The following PCBP3 variants were observed in gnomAD, a reference collection of about 807,000 sequenced individuals.
PCBP3 encodes the protein poly(rC)-binding protein 3.
PCBP3 carries 25 observed loss-of-function variants against 52.7 expected under a neutral mutation model. The observed-to-expected ratio is 0.47, with a 90% CI of 0.35 to 0.66. The LOEUF is 0.66. Among genes scored for constraint, PCBP3 ranks in the 30% least tolerant of loss-of-function variants. The pLI, the probability that PCBP3 is intolerant of heterozygous loss-of-function variation, is 0.01. For synonymous variants in PCBP3, 162 were observed against 183.0 expected (o/e 0.89, Z 0.93); for missense variants, 391 against 490.3 (o/e 0.80, Z 1.91).
intron 2 of PCBP3, among the ~76,000 whole-genome samples, chr21:45,677,639 T>C (rs538575204): frequency 2.0e-5 from 3 of 152,330 alleles, no homozygotes; most frequent in African/African-American, 7.2e-5. Flanking sequence ...AGTCAATGCC[T>C]GGCTTCAAAG....
At chr21:45,755,745 A>G (rs1190845983) in intron 4 of PCBP3, among the ~76,000 whole-genome samples, 1 of 152,120 alleles carries the variant, frequency 6.6e-6, no homozygotes, top group Non-Finnish European at 1.5e-5. Flanking sequence ...CTGTTCATAC[A>G]TTTTGCCCAT....
intron 6 of PCBP3, among the ~76,000 whole-genome samples, chr21:45,898,622 G>A (rs79605146): frequency 0.039 from 2,540 of 64,928 alleles, 137 homozygotes; most frequent in East Asian, 0.11. Context: ...CCGTCCTCAC[G>A]GCCTCCCTCT....
intron 2 of PCBP3, among the ~76,000 whole-genome samples, chr21:45,708,047 A>G (rs997331927): frequency 1.1e-4 from 16 of 152,200 alleles, no homozygotes; most frequent in Admixed American, 1.0e-3. Context: ...TCATCACTGA[A>G]TAAAACTATG....
intron 13 of PCBP3, among the ~76,000 whole-genome samples, chr21:45,920,700 A>C (rs2074321173): frequency 6.6e-6 from 1 of 152,202 alleles, no homozygotes; most frequent in South Asian, 2.1e-4. Context: ...CAGAGGCTTC[A>C]GATAACAGAA....
chr21:45,785,242 A>G (rs1178565075), intron 4 of PCBP3, among the ~76,000 whole-genome samples: 2 of 151,084 alleles, frequency 1.3e-5, no homozygotes, highest in Non-Finnish European at 2.9e-5. Context: ...CCCGTCTGGG[A>G]AGTGAGGAGC....
In PCBP3 at chr21:45,786,583, G is replaced by A. The variant is rs1330306226; in HGVS notation, c.-126+31131G>A. On this transcript the variant is annotated intron_variant, in intron 4 of 17. Transcript: ENST00000681687. ...TGGGATTATAGGTGTGAGGCACCGC[G>A]CCTGGTCTTAAGTATCATTTTGAAG... Among the ~76,000 whole-genome samples, 5 of 152,206 alleles carry A rather than the reference G, an allele frequency of 3.3e-5. 1 individual carries two copies. The South Asian group carries it at 1.0e-3, about 32-fold the overall frequency.
At chr21:45,846,356 G>A (rs555982300) in intron 4 of PCBP3, among the ~76,000 whole-genome samples, 2 of 151,768 alleles carry the variant, frequency 1.3e-5, no homozygotes, top group Non-Finnish European at 2.9e-5. Flanking sequence ...GCTGTCTGCT[G>A]TCTGTGCCAT....
chr21:45,893,049 C>T (rs576128407), intron 5 of PCBP3, among the ~76,000 whole-genome samples: 10 of 152,012 alleles, frequency 6.6e-5, no homozygotes, highest in African/African-American at 2.2e-4. Context: ...CATGATGGAG[C>T]GAGGACTGAG....
At chr21:45,876,769 C>T (rs1328247717) in intron 5 of PCBP3, among the ~76,000 whole-genome samples, 1 of 152,282 alleles carries the variant, frequency 6.6e-6, no homozygotes, top group Non-Finnish European at 1.5e-5. Flanking sequence ...CTGCCACCCA[C>T]CCCGCACTGT....
chr21:45,911,682 A>G (rs1043728802), intron 11 of PCBP3, among the ~76,000 whole-genome samples: 1 of 152,180 alleles, frequency 6.6e-6, no homozygotes, highest in African/African-American at 2.4e-5. Flanking sequence ...TGAAGCAAAA[A>G]TGAAGAAGCC....
chr21:45,710,385 T>C (rs1051581304), intron 2 of PCBP3, among the ~76,000 whole-genome samples: 8 of 152,168 alleles, frequency 5.3e-5, no homozygotes, highest in Non-Finnish European at 1.2e-4. Context: ...AATTCCCACC[T>C]ATGAGTGAGA....
chr21:45,884,647 A>G (rs1275456593), intron 5 of PCBP3, among the ~76,000 whole-genome samples: 2 of 152,064 alleles, frequency 1.3e-5, no homozygotes, highest in African/African-American at 4.8e-5. Context: ...TGCAGCCTCG[A>G]CTAACCAGGC....
At chr21:45,933,339 T>A (rs2076532872) in intron 15 of PCBP3, among the ~76,000 whole-genome samples, 1 of 152,268 alleles carries the variant, frequency 6.6e-6, no homozygotes, top group Admixed American at 6.5e-5. Flanking sequence ...CATGCTGTCC[T>A]GAGATGATTG....
At chr21:45,863,030 A>G (rs1441062150) in intron 5 of PCBP3, among the ~76,000 whole-genome samples, 2 of 152,138 alleles carry the variant, frequency 1.3e-5, no homozygotes, top group East Asian at 3.9e-4. Context: ...CACCCCACCT[A>G]CCTGGGGCAC....
chr21:45,926,351 G>GA (rs1394455632), intron 13 of PCBP3, among the ~76,000 whole-genome samples: 1 of 152,204 alleles, frequency 6.6e-6, no homozygotes, highest in Admixed American at 6.5e-5. Context: ...ATAAACAACT[G>GA]TGTTACTGGT....
chr21:45,708,386 G>C (rs1251385891), intron 2 of PCBP3, among the ~76,000 whole-genome samples: 1 of 152,144 alleles, frequency 6.6e-6, no homozygotes, highest in Non-Finnish European at 1.5e-5. Flanking sequence ...CAGGGATCCT[G>C]TGAATCCCCA....
rs186371241 is a variant in PCBP3 at position 45,781,379 on chromosome 21, C to T, written c.-126+25927C>T. Among the ~76,000 whole-genome samples the T allele has an allele frequency of 5.3e-5, 8 of 152,230 alleles. No homozygotes were observed. The East Asian group carries it at 1.2e-3, about 22-fold the overall frequency. On this transcript the variant is annotated intron_variant, in intron 4 of 17. Transcript: ENST00000681687. Reference sequence around the variant, plus strand: ...AAGATTTGAACATCCATTTCACAAACGAAGACATGTGACTGGCATATAAGT... The same window carrying T: ...AAGATTTGAACATCCATTTCACAAATGAAGACATGTGACTGGCATATAAGT...
chr21:45,895,843 G>T (rs1469262314), intron 5 of PCBP3, among the ~76,000 whole-genome samples: 1 of 152,260 alleles, frequency 6.6e-6, no homozygotes, highest in Non-Finnish European at 1.5e-5. Flanking sequence ...AAGCCCCAGG[G>T]CGCTGGGCCT....
At chr21:45,826,339 C>T (rs532828871) in intron 4 of PCBP3, among the ~76,000 whole-genome samples, 8 of 152,058 alleles carry the variant, frequency 5.3e-5, no homozygotes, top group African/African-American at 1.4e-4. Flanking sequence ...TGCATTTGAA[C>T]GGTTCAACTT....
Sources: allele counts gnomAD v4.1 joint callset (sites outside exome capture counted in the v4.1 genomes callset), GRCh38; gene constraint gnomAD v4.1.1; transcripts MANE v1.5; gene names NCBI Gene and HGNC (gene_info 2026-07-23, HGNC 2026-07-21).